ST3GAL3: variants seen among roughly 807,000 people sequenced by gnomAD.
ST3GAL3 encodes CMP-N-acetylneuraminate-beta-1,4-galactoside alpha-2,3-sialyltransferase.
In ST3GAL3, 21 loss-of-function variants were observed where a neutral mutation model predicts 50.1. The ratio of observed to expected loss-of-function variants is 0.42; its 90% confidence interval spans 0.30 to 0.60. The LOEUF (loss-of-function observed/expected upper bound fraction) is 0.60. Ranked by LOEUF, ST3GAL3 falls within the 20% of genes least tolerant of loss-of-function variation. The pLI is 0.19. For missense variants in ST3GAL3, 353 were observed against 489.4 expected (o/e 0.72, Z 2.63); for synonymous variants, 183 against 190.0 (o/e 0.96, Z 0.30).
chr1:43,835,463 C>G (rs543314866), intron 4 of ST3GAL3, among the ~76,000 whole-genome samples: 4 of 152,252 alleles, frequency 2.6e-5, no homozygotes, highest in Non-Finnish European at 5.9e-5. Context: ...GTTACTGTCG[C>G]TTTCTAAATG....
chr1:43,756,188 A>T (rs1342382082), intron 2 of ST3GAL3, among the ~76,000 whole-genome samples: 1 of 152,084 alleles, frequency 6.6e-6, no homozygotes. Context: ...ATAATAGATA[A>T]ATATCAAACT....
At chr1:43,780,742 A>AT (rs1423846491) in intron 2 of ST3GAL3, among the ~76,000 whole-genome samples, 1 of 151,146 alleles carries the variant, frequency 6.6e-6, no homozygotes, top group Non-Finnish European at 1.5e-5. Context: ...CACCAAATAT[A>AT]TTTTTTATGA....
At chr1:43,897,294 AC>A (rs2077532465) in intron 6 of ST3GAL3, among the ~76,000 whole-genome samples, 1 of 152,174 alleles carries the variant, frequency 6.6e-6, no homozygotes, top group Admixed American at 6.5e-5. Flanking sequence ...TTGTGGTGAT[AC>A]CAGTTTACTT....
chr1:43,785,976 T>C (rs902441474), intron 2 of ST3GAL3, among the ~76,000 whole-genome samples: 1 of 152,162 alleles, frequency 6.6e-6, no homozygotes, highest in Admixed American at 6.5e-5. Flanking sequence ...CTCACTCATG[T>C]CCCATCAGTC....
At chr1:43,765,593 A>G (rs146338919) in intron 2 of ST3GAL3, among the ~76,000 whole-genome samples, 1 of 152,224 alleles carries the variant, frequency 6.6e-6, no homozygotes, top group East Asian at 1.9e-4. Context: ...TCATAGTTTT[A>G]CTTACCTGGG....
At chr1:43,731,780 C>T (rs1270996862) in intron 1 of ST3GAL3, among the ~76,000 whole-genome samples, 1 of 151,962 alleles carries the variant, frequency 6.6e-6, no homozygotes, top group Non-Finnish European at 1.5e-5. Context: ...GATCCACCCA[C>T]CTTGGCCTCC....
chr1:43,906,510 C>T lies in ST3GAL3; in HGVS notation c.744+6783C>T, dbSNP rs1338233425. The stretch of plus-strand genomic sequence containing the variant: ...TGCTCCCCTTCCCGCCACTCTTCCC[C>T]CTCCTCCTCCTGCTCCTCTTCCTGC... On this transcript the variant is annotated intron_variant, in intron 9 of 11. Coordinates refer to ENST00000347631, the MANE Select transcript of ST3GAL3 (RefSeq NM_006279.5). Among the ~76,000 whole-genome samples, 8 of 141,062 alleles carry T rather than the reference C, an allele frequency of 5.7e-5. No homozygotes were observed. In the East Asian group the frequency reaches 1.3e-3, roughly 23 times the overall value. 92.5% of individuals were successfully genotyped at this position (141,062 alleles called of 152,430 possible).
intron 1 of ST3GAL3, among the ~76,000 whole-genome samples, chr1:43,714,660 C>G (rs1666485481): frequency 6.6e-6 from 1 of 152,082 alleles, no homozygotes; most frequent in African/African-American, 2.4e-5. Context: ...TGGCATTTAG[C>G]TATTCCCAAC....
intron 3 of ST3GAL3, among the ~76,000 whole-genome samples, chr1:43,797,590 C>T (rs1224909942): frequency 6.6e-6 from 1 of 152,204 alleles, no homozygotes. Context: ...CAGAATTCAA[C>T]ATCTATTTAT....
chr1:43,918,907 T>G (rs1355517487), intron 9 of ST3GAL3, among the ~76,000 whole-genome samples: 1 of 152,002 alleles, frequency 6.6e-6, no homozygotes, highest in Admixed American at 6.5e-5. Flanking sequence ...CACATATTTC[T>G]TATGTTTATT....
At chr1:43,923,124 G>A (rs1401037132) in intron 11 of ST3GAL3, among the ~76,000 whole-genome samples, 1 of 151,876 alleles carries the variant, frequency 6.6e-6, no homozygotes, top group Admixed American at 6.6e-5. Context: ...AAGTTGTCTG[G>A]GAGCGCTGGT....
intron 5 of ST3GAL3, among the ~76,000 whole-genome samples, chr1:43,853,701 G>A (rs3011225): frequency 0.6 from 91,472 of 152,154 alleles, 31,455 homozygotes; most frequent in Non-Finnish European, 0.78. Flanking sequence ...GTTTTAGGAA[G>A]GCTGGGGTGT....
chr1:43,728,848 T>TAC (rs1335391649), intron 1 of ST3GAL3, among the ~76,000 whole-genome samples: 1 of 152,206 alleles, frequency 6.6e-6, no homozygotes, highest in Non-Finnish European at 1.5e-5. Flanking sequence ...CACATATGTA[T>TAC]ACACACATAT....
chr1:43,735,525 G>T (rs1044991797), intron 1 of ST3GAL3, among the ~76,000 whole-genome samples: 1 of 152,172 alleles, frequency 6.6e-6, no homozygotes, highest in South Asian at 2.1e-4. Context: ...GGAAACGGGG[G>T]CCTTGTCCCT....
At chr1:43,871,251 C>T (rs1020245853) in intron 5 of ST3GAL3, among the ~76,000 whole-genome samples, 2 of 152,322 alleles carry the variant, frequency 1.3e-5, no homozygotes, top group Admixed American at 1.3e-4. Context: ...GGCCAAAGTA[C>T]TTGGCAGGAT....
chr1:43,900,285 CT>C (rs1487741110), intron 9 of ST3GAL3, among the ~76,000 whole-genome samples: 6 of 152,188 alleles, frequency 3.9e-5, no homozygotes, highest in Non-Finnish European at 8.8e-5. Context: ...CCACTTTGTA[CT>C]TTTACCACTG....
At chr1:43,817,746 T>TC (rs1558440048) in intron 4 of ST3GAL3, among the ~76,000 whole-genome samples, 15 of 38,812 alleles carry the variant, frequency 3.9e-4, no homozygotes, top group Non-Finnish European at 1.0e-3. Context: ...TCCTCCTCCT[T>TC]CTTCCTCCTC....
intron 2 of ST3GAL3, among the ~76,000 whole-genome samples, chr1:43,774,383 G>T (rs968472428): frequency 6.6e-6 from 1 of 152,174 alleles, no homozygotes; most frequent in Non-Finnish European, 1.5e-5. Flanking sequence ...GTTTTGTAAT[G>T]ATTTGTTTCC....
chr1:43,893,287 G>C (rs2076913998), intron 5 of ST3GAL3, among the ~76,000 whole-genome samples: 2 of 152,342 alleles, frequency 1.3e-5, no homozygotes, highest in African/African-American at 4.8e-5. Context: ...GGGTGAGTTA[G>C]AAATAACAAC....
Sources: allele counts gnomAD v4.1 joint callset (sites outside exome capture counted in the v4.1 genomes callset), GRCh38; gene constraint gnomAD v4.1.1; transcripts MANE v1.5; gene names NCBI Gene and HGNC (gene_info 2026-07-23, HGNC 2026-07-21).